INTS13: variants seen among roughly 807,000 people sequenced by gnomAD.
INTS13 encodes integrator complex subunit 13.
A neutral mutation model predicts 90.2 loss-of-function variants in INTS13; 35 were observed. The observed-to-expected ratio is 0.39, with a 90% CI of 0.30 to 0.51. The LOEUF (loss-of-function observed/expected upper bound fraction) is 0.51, where lower values mean the gene tolerates loss of function less well. Ranked by LOEUF, INTS13 falls within the 20% of genes least tolerant of loss-of-function variation. INTS13 has a pLI of 0.80. For missense variants in INTS13, 601 were observed against 851.2 expected, an observed-to-expected ratio of 0.71 and a Z score of 3.66; for synonymous variants, 309 against 277.1, an observed-to-expected ratio of 1.11 and a Z score of -1.14.
At chr12:26,906,251 GTACTA>G (rs748856884) in intron 16 of INTS13, 46 bp downstream of exon 16, 2 of 1,510,124 alleles carry the variant, frequency 1.3e-6, no homozygotes, top group South Asian at 2.5e-5. Context: ...GATTGTTAAG[GTACTA>G]TACAGGCAAT....
chr12:26,915,931 G>A (rs1951920901), intron 11 of INTS13, 71 bp downstream of exon 11: 6 of 1,142,344 alleles, frequency 5.3e-6, no homozygotes, highest in South Asian at 1.9e-5. Context: ...AGCATTTAAC[G>A]AGCACTCGAT....
chr12:26,905,686 G>C lies in INTS13; in HGVS notation c.2082-150C>G, dbSNP rs1004885661. ...AAGGACTAACATCAGGGTTCCTCTA[G>C]CTAGGCCAATTTCTTCATTTTACAG... On this transcript the variant is annotated intron_variant, in intron 16 of 16. Coordinates refer to ENST00000261191, the MANE Select transcript of INTS13 (RefSeq NM_018164.3). The C allele has an allele frequency of 1.2e-5, 9 of 731,320 alleles. No individual in the cohort carries two copies. In the Admixed American group the frequency reaches 1.7e-4, roughly 14 times the overall value. The allele number at this position is 731,320 out of a possible 1,614,324, so 45.3% of individuals were successfully genotyped here.
chr12:26,918,847 T>C (rs994623293), intron 8 of INTS13, among the ~76,000 whole-genome samples: 3 of 152,172 alleles, frequency 2.0e-5, no homozygotes, highest in South Asian at 4.1e-4. Flanking sequence ...AAGACTGGTC[T>C]GAGTTATAAG....
intron 3 of INTS13, among the ~76,000 whole-genome samples, chr12:26,930,187 A>G (rs918326275): frequency 6.6e-6 from 1 of 152,218 alleles, no homozygotes; most frequent in Non-Finnish European, 1.5e-5. Context: ...AAAACATACC[A>G]TGCTCATGGA....
chr12:26,930,290 G>A (rs891865197), intron 3 of INTS13, among the ~76,000 whole-genome samples: 3 of 152,118 alleles, frequency 2.0e-5, no homozygotes, highest in East Asian at 1.9e-4. Flanking sequence ...AATTGATAAC[G>A]TGATTCTAAA....
At position 26,936,752 on chromosome 12, in the gene INTS13, G is replaced by A; in HGVS notation, c.52C>T (p.Pro18Ser). The A allele has an allele frequency of 6.2e-7, 1 of 1,614,020 alleles. No homozygotes were observed. The highest frequency in any genetic ancestry group is 1.1e-5 in the South Asian group (1 of 91,074). The change falls in exon 2 of 17, where the codon CCT becomes TCT. Residue 18 changes from proline to serine, a missense_variant. Transcript: ENST00000261191. ...HKTVFVVDHC[P>S]YMAESCRQHV... is the part of the protein sequence containing the mutation. ...TGCCTGCAAGATTCTGCCATATAAG[G>A]GCAGTGATCCACAACAAACACTGTT...
chr12:26,924,505 A>C (rs775765405), intron 6 of INTS13, 22 bp from the exon 7 acceptor site: 1 of 1,585,404 alleles, frequency 6.3e-7, no homozygotes, highest in Non-Finnish European at 8.6e-7. Context: ...CATACAAGAA[A>C]AATAATCCAC....
At chr12:26,906,209 T>TA (rs1363768489) in intron 16 of INTS13, 93 bp downstream of exon 16, 6 of 1,250,436 alleles carry the variant, frequency 4.8e-6, no homozygotes, top group African/African-American at 4.6e-5. Flanking sequence ...ATATTAGTAA[T>TA]AAAAAACTGC....
chr12:26,934,453 A>G, intron 3 of INTS13, 103 bp downstream of exon 3: 1 of 837,574 alleles, frequency 1.2e-6, no homozygotes, highest in Non-Finnish European at 2.0e-6. Flanking sequence ...TTTTAACACT[A>G]TATGCAAATC....
At position 26,924,405 on chromosome 12, in the gene INTS13, G is replaced by T. The variant is rs765485055; in HGVS notation, c.754C>A (p.Gln252Lys). The T allele has an allele frequency of 2.4e-5, 38 of 1,613,048 alleles. No individual in the cohort carries two copies. The highest frequency in any genetic ancestry group is 3.1e-5 in the Non-Finnish European group (37 of 1,179,406). ...GTTGAAGCCAAGTCAAAATGTTGCT[G>T]TACTAAAATATTCAATTTGGTAGCA... The part of the protein sequence containing the change: ...HLATKLNILV[Q>K]QHFDLASTTI... Residue 252 changes from glutamine to lysine, a missense_variant, in exon 7 of 17, where the codon CAG becomes AAG. By Grantham distance (53) the Gln-to-Lys change is moderately conservative. This residue lies in a region of INTS13 where 284 missense variants were observed against 387.7 expected (regional missense o/e 0.73). Transcript: ENST00000261191.
intron 5 of INTS13, among the ~76,000 whole-genome samples, chr12:26,927,714 C>T (rs1375689991): frequency 6.6e-6 from 1 of 152,140 alleles, no homozygotes; most frequent in Non-Finnish European, 1.5e-5. Context: ...CTCCCAGGCT[C>T]AAGCAATTTT....
intron 3 of INTS13, among the ~76,000 whole-genome samples, chr12:26,934,084 G>A (rs1377120859): frequency 3.3e-5 from 5 of 152,098 alleles, no homozygotes; most frequent in African/African-American, 9.7e-5. Flanking sequence ...GACCAGCCTG[G>A]CCAACATGGC....
chr12:26,909,657 T>G (rs1041538200), intron 15 of INTS13, among the ~76,000 whole-genome samples: 1 of 152,112 alleles, frequency 6.6e-6, no homozygotes. Flanking sequence ...AGTGGTATAT[T>G]TTGTCATATG....
intron 7 of INTS13, 42 bp from the exon 8 acceptor site, chr12:26,922,742 C>T: frequency 1.6e-6 from 2 of 1,274,500 alleles, no homozygotes; most frequent in South Asian, 1.5e-5. Context: ...CTTGGTTTTG[C>T]TTTCAAAATA....
chr12:26,910,265 A>G (rs921587750), intron 15 of INTS13, among the ~76,000 whole-genome samples: 8 of 152,240 alleles, frequency 5.3e-5, no homozygotes, highest in African/African-American at 1.7e-4. Flanking sequence ...CTCAGCTCTT[A>G]CTATAGTATC....
In INTS13 at chr12:26,934,609, A is replaced by C; in HGVS notation, c.247T>G (p.Ser83Ala). 1 of 1,613,466 alleles carries C rather than the reference A, an allele frequency of 6.2e-7. No homozygotes were observed. The highest frequency in any genetic ancestry group is 8.5e-7 in the Non-Finnish European group (1 of 1,179,472). ...KKLVNFIVSD[S>A]GAHVLNSWTQ... is the part of the protein sequence containing the mutation. Reference sequence around the variant, plus strand: ...CAAGAATTTAAAACATGTGCTCCAGAGTCACTCACAATAAAATTCACCTAA... The same window carrying C: ...CAAGAATTTAAAACATGTGCTCCAGCGTCACTCACAATAAAATTCACCTAA... The change falls in exon 3 of 17, where the codon TCT (serine) becomes GCT (alanine). Residue 83 changes from serine to alanine, a missense_variant. Physicochemically the swap from Ser to Ala is moderately conservative, Grantham distance 99. This residue lies in a region of INTS13 where 284 missense variants were observed against 387.7 expected (regional missense o/e 0.73). Coordinates refer to ENST00000261191, the MANE Select transcript of INTS13 (RefSeq NM_018164.3).
chr12:26,908,617 C>G (rs1951683961), intron 15 of INTS13, among the ~76,000 whole-genome samples: 1 of 151,862 alleles, frequency 6.6e-6, no homozygotes, highest in African/African-American at 2.4e-5. Flanking sequence ...TTGGAATAGC[C>G]TAGCCTTAAG....
chr12:26,935,843 G>A lies in INTS13; in HGVS notation c.225+736C>T, dbSNP rs116939092. ...AATTGGCTAGGTCCCAGCGCTTCGAGTAAGACAGAAAGCAAGTCTTCCACT... is the reference window on the plus strand; with the variant it reads ...AATTGGCTAGGTCCCAGCGCTTCGAATAAGACAGAAAGCAAGTCTTCCACT... On this transcript the variant is annotated intron_variant, in intron 2 of 16. Coordinates refer to ENST00000261191, the MANE Select transcript of INTS13 (RefSeq NM_018164.3). 8.7e-3 allele frequency among the ~76,000 whole-genome samples: 1,325 copies of A among 152,290 alleles called. 10 individuals are homozygous for A. The highest frequency in any genetic ancestry group is 0.012 in the Non-Finnish European group (838 of 68,036).
At chr12:26,910,603 G>A (rs1319088482) in intron 15 of INTS13, among the ~76,000 whole-genome samples, 1 of 152,140 alleles carries the variant, frequency 6.6e-6, no homozygotes, top group African/African-American at 2.4e-5. Context: ...CTTCTGCCAT[G>A]CCTGTAAGTT....
Sources: allele counts gnomAD v4.1 joint callset (sites outside exome capture counted in the v4.1 genomes callset), GRCh38; gene constraint gnomAD v4.1.1; regional missense constraint gnomAD v4.1.1; transcripts MANE v1.5; gene names NCBI Gene and HGNC (gene_info 2026-07-23, HGNC 2026-07-21).